The following RCL1 variants were observed in gnomAD, a reference collection of about 807,000 sequenced individuals.
RCL1 encodes RNA 3'-terminal phosphate cyclase-like protein.
RCL1 carries 24 observed loss-of-function variants against 42.4 expected under a neutral mutation model. The ratio of observed to expected loss-of-function variants is 0.57; its 90% CI spans 0.41 to 0.80. RCL1 has a LOEUF of 0.80. Ranked by LOEUF, RCL1 falls within the 30% of genes least tolerant of loss-of-function variation. RCL1 has a pLI of 0.00. For missense variants in RCL1, 578 were observed against 467.9 expected, an observed-to-expected ratio of 1.24 and a Z score of -2.17; for synonymous variants, 228 against 177.3, an observed-to-expected ratio of 1.29 and a Z score of -2.27.
intron 1 of RCL1, among the ~76,000 whole-genome samples, chr9:4,811,899 G>A (rs1816190995): frequency 1.3e-5 from 2 of 151,990 alleles, no homozygotes; most frequent in Non-Finnish European, 2.9e-5. Flanking sequence ...TTCTAACTGG[G>A]GTGAGATGAT....
chr9:4,828,304 T>G (rs1358061936), intron 3 of RCL1, among the ~76,000 whole-genome samples: 1 of 152,114 alleles, frequency 6.6e-6, no homozygotes, highest in Non-Finnish European at 1.5e-5. Context: ...GCTTTTCTAC[T>G]CAGGGAGGAC....
intron 1 of RCL1, among the ~76,000 whole-genome samples, chr9:4,813,208 C>T (rs1816242450): frequency 6.6e-6 from 1 of 152,098 alleles, no homozygotes; most frequent in African/African-American, 2.4e-5. Context: ...AACTAAAGAG[C>T]TTCTGCACAG....
chr9:4,801,904 G>A (rs932557451), intron 1 of RCL1, among the ~76,000 whole-genome samples: 3 of 151,214 alleles, frequency 2.0e-5, no homozygotes, highest in African/African-American at 4.9e-5. Flanking sequence ...TTGCCAACAC[G>A]ACACAGTCTT....
At chr9:4,808,458 C>A (rs930595025) in intron 1 of RCL1, among the ~76,000 whole-genome samples, 6 of 152,056 alleles carry the variant, frequency 3.9e-5, no homozygotes, top group Non-Finnish European at 5.9e-5. Context: ...TAGGTGTGCG[C>A]CATTATGCCT....
intron 5 of RCL1, among the ~76,000 whole-genome samples, chr9:4,839,250 T>C (rs926598918): frequency 2.0e-5 from 3 of 152,230 alleles, no homozygotes; most frequent in African/African-American, 4.8e-5. Flanking sequence ...TCGTACTGTT[T>C]GTTAACCTTC....
At chr9:4,858,412 A>G (rs1312173298) in intron 8 of RCL1, among the ~76,000 whole-genome samples, 1 of 152,188 alleles carries the variant, frequency 6.6e-6, no homozygotes, top group Non-Finnish European at 1.5e-5. Flanking sequence ...GTTGTATTTA[A>G]GAAATGGTTA....
rs573099087 is a variant in RCL1, at chr9:4,844,586, G to C, written c.772G>C (p.Glu258Gln). The C allele has an allele frequency of 6.2e-7, 1 of 1,614,002 alleles. No individual in the cohort carries two copies. Among genetic ancestry groups the C allele is most frequent in the South Asian group, 1.1e-5 (1 of 91,044 alleles). The change falls in exon 7 of 9, where the codon GAA becomes CAA. Residue 258 changes from glutamate to glutamine, a missense_variant. By Grantham distance (29) the Glu-to-Gln change is conservative. Coordinates refer to ENST00000381750, the MANE Select transcript of RCL1 (RefSeq NM_005772.5). Reference protein sequence around the residue: ...ETTSGTFLSAELASNPQGQGA... With the variant: ...ETTSGTFLSAQLASNPQGQGA... ...CACCAGTGGCACCTTCCTCAGTGCT[G>C]AACTGGCCTCCAACCCCCAGGGCCA...
chr9:4,823,604 G>A lies in RCL1; in HGVS notation c.193G>A (p.Glu65Lys). ...CAAAATAACGAATGGTTCTCGAATTGAAATAAACCAAACAGGTAAGCTCCT... is the reference window on the plus strand; with the variant it reads ...CAAAATAACGAATGGTTCTCGAATTAAAATAAACCAAACAGGTAAGCTCCT... The part of the protein sequence containing the change: ...LDKITNGSRI[E>K]INQTGTTLYY... The change falls in exon 2 of 9, where the codon GAA (glutamate) becomes AAA (lysine). Residue 65 changes from glutamate to lysine, a missense_variant. Physicochemically the swap from Glu to Lys is moderately conservative, Grantham distance 56. Coordinates refer to ENST00000381750, the MANE Select transcript of RCL1 (RefSeq NM_005772.5). 1 of 1,610,676 alleles carries A rather than the reference G, an allele frequency of 6.2e-7. No homozygotes were observed. Among genetic ancestry groups the A allele is most frequent in the East Asian group, 2.2e-5 (1 of 44,552 alleles).
At chr9:4,823,520 T>G (rs753243351) in intron 1 of RCL1, 28 bp from the exon 2 acceptor site, 4 of 1,582,028 alleles carry the variant, frequency 2.5e-6, no homozygotes, top group African/African-American at 1.4e-5. Context: ...TGTCTTCTCT[T>G]TTCTTCACAG....
chr9:4,826,071 A>G lies in RCL1; in HGVS notation c.209-787A>G, dbSNP rs185427786. ...ATAGTGAGACCCTTTCTCTAAAATA[A>G]AGAAAAAAAAGAAAGAAAGAAAGAA... On this transcript the variant is annotated intron_variant, in intron 2 of 8. Transcript: ENST00000381750. Among the ~76,000 whole-genome samples, 61 of 151,814 alleles carry G rather than the reference A, an allele frequency of 4.0e-4. 1 individual carries two copies. The Middle Eastern group carries it at 0.02, about 51-fold the overall frequency.
At chr9:4,833,262 T>G (rs757271481) in intron 4 of RCL1, 34 bp downstream of exon 4, 8 of 1,511,552 alleles carry the variant, frequency 5.3e-6, no homozygotes, top group Non-Finnish European at 7.4e-6. Flanking sequence ...CATATGTTCC[T>G]GTGGAAAACA....
At chr9:4,815,900 G>T (rs1238068323) in intron 1 of RCL1, among the ~76,000 whole-genome samples, 1 of 152,122 alleles carries the variant, frequency 6.6e-6, no homozygotes, top group Non-Finnish European at 1.5e-5. Flanking sequence ...GCAGCAGGGA[G>T]AAGTCCTTTT....
At chr9:4,850,493 C>CTT (rs35181848) in intron 8 of RCL1, 34,453 of 136,396 alleles carry the variant, frequency 0.25, 5,503 homozygotes, top group Non-Finnish European at 0.33. Context: ...TTTTTTTTTT[C>CTT]TTTTTTTTTT....
At chr9:4,802,635 T>C (rs1268992825) in intron 1 of RCL1, among the ~76,000 whole-genome samples, 1 of 152,088 alleles carries the variant, frequency 6.6e-6, no homozygotes, top group East Asian at 1.9e-4. Flanking sequence ...CATTTTTTTT[T>C]ACTTTGTTAT....
chr9:4,845,999 G>A (rs902216202), intron 7 of RCL1, among the ~76,000 whole-genome samples: 1 of 152,140 alleles, frequency 6.6e-6, no homozygotes, highest in Non-Finnish European at 1.5e-5. Flanking sequence ...TGGCAATTTA[G>A]TTTTTCTTTT....
chr9:4,798,281 T>C (rs1351076537), intron 1 of RCL1, among the ~76,000 whole-genome samples: 1 of 152,262 alleles, frequency 6.6e-6, no homozygotes, highest in Non-Finnish European at 1.5e-5. Flanking sequence ...CTCTGTATAA[T>C]GTGAGGTCTA....
At chr9:4,801,449 G>A (rs1842999241) in intron 1 of RCL1, among the ~76,000 whole-genome samples, 1 of 152,106 alleles carries the variant, frequency 6.6e-6, no homozygotes, top group Admixed American at 6.6e-5. Flanking sequence ...AATTCCTAAG[G>A]TATTACAGGT....
Position 4,860,201 on chromosome 9 carries a change from C to T in RCL1, c.1048C>T (p.Leu350Phe), listed in dbSNP as rs374507185. 22 of 1,612,788 alleles carry T rather than the reference C, an allele frequency of 1.4e-5. No individual in the cohort carries two copies. The highest frequency in any genetic ancestry group is 1.7e-5 in the Non-Finnish European group (20 of 1,179,630). The change falls in exon 9 of 9, where the codon CTC becomes TTC. Residue 350 changes from leucine to phenylalanine, a missense_variant. Leu to Phe is a conservative substitution (Grantham distance 22, BLOSUM62 0). Transcript: ENST00000381750. Reference sequence around the variant, plus strand: ...TGAAACCAAGCCATGTGGTGAAGAACTCAAGGGTGGGGATAAAGTGCTGAT... The same window carrying T: ...TGAAACCAAGCCATGTGGTGAAGAATTCAAGGGTGGGGATAAAGTGCTGAT... ...KIETKPCGEE[L>F]KGGDKVLMTC...
At chr9:4,848,318 A>C (rs1235492431) in intron 7 of RCL1, among the ~76,000 whole-genome samples, 1 of 152,250 alleles carries the variant, frequency 6.6e-6, no homozygotes, top group East Asian at 1.9e-4. Context: ...ATTTTCATAA[A>C]GGCTAGCAGT....
Sources: gnomAD v4.1 joint callset for allele counts (sites outside exome capture counted in the v4.1 genomes callset) on GRCh38, gnomAD v4.1.1 for gene constraint, MANE v1.5 for transcripts, NCBI Gene and HGNC (gene_info 2026-07-23, HGNC 2026-07-21) for gene names.